OR2A14: variants seen among roughly 807,000 people sequenced by gnomAD.
OR2A14 encodes the protein olfactory receptor 2A14.
Under a neutral mutation model 2.4 loss-of-function variants are expected in OR2A14, and 2 were observed. The observed-to-expected ratio is 0.85, with a 90% CI of 0.35 to 2.67. OR2A14 has a LOEUF of 2.67. OR2A14 is among the 30% of genes most tolerant of loss of function. The pLI is 0.10. For missense variants in OR2A14, 390 were observed against 379.4 expected, an observed-to-expected ratio of 1.03 and a Z score of -0.23; for synonymous variants, 160 against 156.3, an observed-to-expected ratio of 1.02 and a Z score of -0.18.
At chr7:144,128,085 G>A (rs1388764352) in intron 1 of OR2A14, among the ~76,000 whole-genome samples, 2 of 152,204 alleles carry the variant, frequency 1.3e-5, no homozygotes, top group African/African-American at 4.8e-5. Flanking sequence ...GGAACCGACA[G>A]CAACCCCAGT....
chr7:144,125,016 C>T (rs1249692221), intron 1 of OR2A14, among the ~76,000 whole-genome samples: 2 of 152,144 alleles, frequency 1.3e-5, no homozygotes, highest in African/African-American at 4.8e-5. Context: ...CTCAATTTTA[C>T]GATCTCTTTA....
At position 144,129,739 on chromosome 7, in the gene OR2A14, A is replaced by G. The variant is rs202009416; in HGVS notation, c.627A>G (p.Pro209=). The G allele has an allele frequency of 5.6e-6, 9 of 1,613,788 alleles. No individual in the cohort carries two copies. Among genetic ancestry groups the G allele is most frequent in the Admixed American group, 3.3e-5 (2 of 60,008 alleles). The change falls in exon 2 of 2, where the codon CCA becomes CCG. Residue 209 remains proline, a synonymous_variant. Coordinates refer to ENST00000641068, the MANE Select transcript of OR2A14 (RefSeq NM_001001659.3). ...FAACVFILVG[P]LCLVLVSYLR... ...CCTGCGTGTTCATCCTGGTGGGGCCACTCTGCCTGGTGCTGGTCTCCTACT... is the reference window on the plus strand; with the variant it reads ...CCTGCGTGTTCATCCTGGTGGGGCCGCTCTGCCTGGTGCTGGTCTCCTACT...
chr7:144,129,748 G>C lies in OR2A14; in HGVS notation c.636G>C (p.Leu212=). The change falls in exon 2 of 2, where the codon CTG becomes CTC. Residue 212 remains leucine, a synonymous_variant. Transcript: ENST00000641068. ...CVFILVGPLC[L]VLVSYLRILA... ...TCATCCTGGTGGGGCCACTCTGCCT[G>C]GTGCTGGTCTCCTACTTGCGCATCC... 1 of 1,614,024 alleles carries C rather than the reference G, an allele frequency of 6.2e-7. No homozygotes were observed. The highest frequency in any genetic ancestry group is 8.5e-7 in the Non-Finnish European group (1 of 1,180,032).
At chr7:144,126,033 C>A (rs1470406343) in intron 1 of OR2A14, among the ~76,000 whole-genome samples, 2 of 152,110 alleles carry the variant, frequency 1.3e-5, no homozygotes, top group Non-Finnish European at 2.9e-5. Flanking sequence ...GCTTGGAGGT[C>A]TCAGGGATAA....
chr7:144,129,817 G>C lies in OR2A14; in HGVS notation c.705G>C (p.Lys235Asn), dbSNP rs754830906. The C allele has an allele frequency of 1.1e-5, 17 of 1,614,112 alleles. No individual in the cohort carries two copies. The highest frequency in any genetic ancestry group is 1.1e-5 in the Non-Finnish European group (13 of 1,180,012). ...LRIQSGEGRR[K>N]AFSTCSSHLC... ...TCCAGTCTGGGGAGGGCCGCAGAAAGGCCTTCTCCACCTGCTCCTCCCACC... is the reference window on the plus strand; with the variant it reads ...TCCAGTCTGGGGAGGGCCGCAGAAACGCCTTCTCCACCTGCTCCTCCCACC... Residue 235 changes from lysine (K) to asparagine (N), a missense_variant, in exon 2 of 2, where the codon AAG (lysine) becomes AAC (asparagine). Coordinates refer to ENST00000641068, the MANE Select transcript of OR2A14 (RefSeq NM_001001659.3).
intron 1 of OR2A14, among the ~76,000 whole-genome samples, chr7:144,127,652 T>C (rs2051491030): frequency 6.6e-6 from 1 of 152,150 alleles, no homozygotes; most frequent in African/African-American, 2.4e-5. Context: ...AAGTGAAAAA[T>C]TGTAATGTTT....
rs2961161 is a variant in OR2A14, at chr7:144,129,604, C to G, written c.492C>G (p.Ser164Arg). The stretch of plus-strand genomic sequence containing the variant: ...TGGTCCCTTTAGTTCTCATCCTGAG[C>G]CTGCCCTTCTGCGGGCCTCATGAAA... ...LALVPLVLIL[S>R]LPFCGPHEIN... Residue 164 changes from serine to arginine, a missense_variant, in exon 2 of 2, where the codon AGC (serine) becomes AGG (arginine). By Grantham distance (110) the Ser-to-Arg change is moderately radical. Transcript: ENST00000641068. The G allele has an allele frequency of 0.56, 898,018 of 1,613,454 alleles. 255,569 individuals carry two copies. The highest frequency in any genetic ancestry group is 0.78 in the African/African-American group (58,767 of 74,950).
At position 144,129,685 on chromosome 7, in the gene OR2A14, C is replaced by T; in HGVS notation, c.573C>T (p.Thr191=). ...TCCTCAAGTTGGCCTGTGCTGACAC[C>T]TGGCTCAACCAGGTGGTCATCTTTG... is the stretch of plus-strand genomic sequence containing the variant. ...LSVLKLACAD[T]WLNQVVIFAA... The change falls in exon 2 of 2, where the codon ACC becomes ACT. Residue 191 remains threonine, a synonymous_variant. Coordinates refer to ENST00000641068, the MANE Select transcript of OR2A14 (RefSeq NM_001001659.3). 6.2e-7 allele frequency: 1 copy of T among 1,614,148 alleles called. No individual in the cohort carries two copies. Among genetic ancestry groups the T allele is most frequent in the Non-Finnish European group, 8.5e-7 (1 of 1,180,024 alleles).
chr7:144,123,817 A>C (rs1187042607), intron 1 of OR2A14, among the ~76,000 whole-genome samples: 1 of 151,756 alleles, frequency 6.6e-6, no homozygotes, highest in African/African-American at 2.4e-5. Context: ...ATTCACTCAC[A>C]GGGAAAAGCC....
At position 144,129,370 on chromosome 7, in the gene OR2A14, C is replaced by A; in HGVS notation, c.258C>A (p.Asn86Lys). 6.2e-7 allele frequency: 1 copy of A among 1,614,178 alleles called. No individual in the cohort carries two copies. The highest frequency in any genetic ancestry group is 8.5e-7 in the Non-Finnish European group (1 of 1,180,024). Residue 86 changes from asparagine (N) to lysine (K), a missense_variant, in exon 2 of 2, where the codon AAC becomes AAA. Asn to Lys is a moderately conservative substitution (Grantham distance 94). Transcript: ENST00000641068. ...CCAAGATGCTGACGAATCTTATGAA[C>A]CAGGAAAGCACCATCTCCTTTTTTC... The part of the protein sequence containing the change: ...YVPKMLTNLM[N>K]QESTISFFPC...
Position 144,129,635 on chromosome 7 carries a change from C to T in OR2A14, c.523C>T (p.His175Tyr). The T allele has an allele frequency of 1.3e-6, 2 of 1,567,620 alleles. No homozygotes were observed. The highest frequency in any genetic ancestry group is 1.7e-6 in the Non-Finnish European group (2 of 1,160,364). Residue 175 changes from histidine to tyrosine, a missense_variant, in exon 2 of 2, where the codon CAC becomes TAC. By Grantham distance (83) the His-to-Tyr change is moderately conservative (BLOSUM62 2). Coordinates refer to ENST00000641068, the MANE Select transcript of OR2A14 (RefSeq NM_001001659.3). Reference protein sequence around the residue: ...LPFCGPHEINHFFCEILSVLK... With the variant: ...LPFCGPHEINYFFCEILSVLK... The stretch of plus-strand genomic sequence containing the variant: ...CTTCTGCGGGCCTCATGAAATCAAC[C>T]ACTTCTTCTGTGAAATCCTGTCTGT...
rs569036200 is a variant in OR2A14 at position 144,126,947 on chromosome 7, C to G, written c.-34-2132C>G. 2.0e-5 allele frequency among the ~76,000 whole-genome samples: 3 copies of G among 152,126 alleles called. No individual in the cohort carries two copies. The East Asian group carries it at 5.8e-4, about 29-fold the overall frequency. On this transcript the variant is annotated intron_variant, in intron 1 of 1. Coordinates refer to ENST00000641068, the MANE Select transcript of OR2A14 (RefSeq NM_001001659.3). Reference sequence around the variant, plus strand: ...AAATGCATGCAGGTGAAACAGAGAACAGAGAAAGGTCACCCTCAGTTTCTC... The same window carrying G: ...AAATGCATGCAGGTGAAACAGAGAAGAGAGAAAGGTCACCCTCAGTTTCTC...
rs1586917976 is a variant in OR2A14 at position 144,131,074 on chromosome 7, C to G, written c.*1029C>G. 1 of 152,318 alleles carries G rather than the reference C, an allele frequency of 6.6e-6. No homozygotes were observed. The highest frequency in any genetic ancestry group is 2.4e-5 in the African/African-American group (1 of 41,552). 9.4% of individuals were successfully genotyped at this position (152,318 alleles called of 1,614,324 possible). A position where few individuals can be genotyped will look rare whatever the true frequency, so the allele number is the denominator to read the frequency against. On this transcript the variant is annotated 3_prime_UTR_variant, in exon 2 of 2. Coordinates refer to ENST00000641068, the MANE Select transcript of OR2A14 (RefSeq NM_001001659.3). ...CATGTGATTAGACATGTCTTGCAGTCAAATTCCTGTGATCACATTGTACTT... is the reference window on the plus strand; with the variant it reads ...CATGTGATTAGACATGTCTTGCAGTGAAATTCCTGTGATCACATTGTACTT...
At position 144,128,504 on chromosome 7, in the gene OR2A14, C is replaced by T. The variant is rs190985780; in HGVS notation, c.-34-575C>T. On this transcript the variant is annotated intron_variant, in intron 1 of 1. Coordinates refer to ENST00000641068, the MANE Select transcript of OR2A14 (RefSeq NM_001001659.3). Reference sequence around the variant, plus strand: ...GTACTGGCCAGCTTCTGAAAAGGAGCGTCTTATCTCAGAAAGCTTTAAAGA... The same window carrying T: ...GTACTGGCCAGCTTCTGAAAAGGAGTGTCTTATCTCAGAAAGCTTTAAAGA... Among the ~76,000 whole-genome samples, 237 of 152,240 alleles carry T rather than the reference C, an allele frequency of 1.6e-3. 1 individual carries two copies. The highest frequency in any genetic ancestry group is 3.3e-3 in the South Asian group (16 of 4,824).
In OR2A14 at chr7:144,130,905, A is replaced by G. The variant is rs1327709518; in HGVS notation, c.*860A>G. 6.6e-6 allele frequency: 1 copy of G among 152,246 alleles called. No individual in the cohort carries two copies. Among genetic ancestry groups the G allele is most frequent in the Non-Finnish European group, 1.5e-5 (1 of 68,062 alleles). 9.4% of individuals were successfully genotyped at this position (152,246 alleles called of 1,614,324 possible). Reference sequence around the variant, plus strand: ...AACAAATGGGTGTGCCCGTGTTCCAATAAAACTTTATTTGTAAAAACAGGT... The same window carrying G: ...AACAAATGGGTGTGCCCGTGTTCCAGTAAAACTTTATTTGTAAAAACAGGT... On this transcript the variant is annotated 3_prime_UTR_variant, in exon 2 of 2. Transcript: ENST00000641068.
At chr7:144,125,610 C>A (rs910174949) in intron 1 of OR2A14, among the ~76,000 whole-genome samples, 1 of 152,210 alleles carries the variant, frequency 6.6e-6, no homozygotes, top group Non-Finnish European at 1.5e-5. Context: ...AGACTTTTCT[C>A]CTTGTGGCCT....
intron 1 of OR2A14, among the ~76,000 whole-genome samples, chr7:144,127,048 C>G (rs1412810296): frequency 1.3e-5 from 2 of 152,092 alleles, no homozygotes; most frequent in Non-Finnish European, 2.9e-5. Context: ...TATCCAGGGG[C>G]ATAGAGGTTT....
intron 1 of OR2A14, among the ~76,000 whole-genome samples, chr7:144,124,391 G>T (rs1271349259): frequency 6.7e-6 from 1 of 148,744 alleles, no homozygotes; most frequent in Non-Finnish European, 1.5e-5. Context: ...GAACCTGGGA[G>T]GCGGAGGTTG....
chr7:144,129,402 T>A lies in OR2A14; in HGVS notation c.290T>A (p.Ile97Lys). 1 of 1,614,232 alleles carries A rather than the reference T, an allele frequency of 6.2e-7. No individual in the cohort carries two copies. The highest frequency in any genetic ancestry group is 1.3e-5 in the African/African-American group (1 of 75,070). Residue 97 changes from isoleucine (I) to lysine (K), a missense_variant, in exon 2 of 2, where the codon ATA becomes AAA. Ile to Lys is a moderately radical substitution (Grantham distance 102). Transcript: ENST00000641068. ...AGCACCATCTCCTTTTTTCCATGCATAATGCAGACATTCTTGTATTTGGCT... is the reference window on the plus strand; with the variant it reads ...AGCACCATCTCCTTTTTTCCATGCAAAATGCAGACATTCTTGTATTTGGCT... ...QESTISFFPCIMQTFLYLAFA... is the reference protein window; with the variant it reads ...QESTISFFPCKMQTFLYLAFA...
Sources: allele counts gnomAD v4.1 joint callset (sites outside exome capture counted in the v4.1 genomes callset), GRCh38; gene constraint gnomAD v4.1.1; transcripts MANE v1.5; gene names NCBI Gene and HGNC (gene_info 2026-07-23, HGNC 2026-07-21).